The following ZBTB26 variants were observed in gnomAD, a reference collection of about 807,000 sequenced individuals.
The protein encoded by ZBTB26 is zinc finger and BTB domain containing 26.
In ZBTB26, 12 loss-of-function variants were observed where a neutral mutation model predicts 31.6. That is an observed-to-expected ratio of 0.38 (90% CI 0.24 to 0.61). ZBTB26 has a LOEUF of 0.61. Ranked by LOEUF, ZBTB26 falls within the 20% of genes least tolerant of loss-of-function variation. The probability of loss-of-function intolerance (pLI) is 0.60; values close to 1 mark genes in which losing one functional copy is unlikely to be tolerated. For synonymous variants in ZBTB26, 155 were observed against 182.9 expected (o/e 0.85, Z 1.23); for missense variants, 311 against 521.9 (o/e 0.60, Z 3.94).
chr9:122,926,241 G>A (rs1380242116), intron 1 of ZBTB26, among the ~76,000 whole-genome samples: 2 of 151,780 alleles, frequency 1.3e-5, no homozygotes, highest in Non-Finnish European at 2.9e-5. Context: ...TCGGCTAGGT[G>A]CGGTGGCTCA....
intron 1 of ZBTB26, among the ~76,000 whole-genome samples, chr9:122,921,917 G>A (rs925119051): frequency 7.6e-5 from 11 of 145,384 alleles, no homozygotes; most frequent in Admixed American, 4.8e-4. Flanking sequence ...GGCAACAAGA[G>A]CAAAACTCCA....
Position 122,918,813 on chromosome 9 carries a change from T to C in ZBTB26, c.1122A>G (p.Lys374=). The change falls in exon 2 of 2, where the codon AAA becomes AAG. Residue 374 remains lysine, a synonymous_variant. Coordinates refer to ENST00000373656, the MANE Select transcript of ZBTB26 (RefSeq NM_020924.4). The part of the protein sequence containing the change: ...AHKPVLRKHL[K]QLHGKNSFDN... ...CAAAGCTGTTTTTGCCATGCAGCTG[T>C]TTAAGGTGTTTCCTCAAAACTGGTT... 6.2e-7 allele frequency: 1 copy of C among 1,614,198 alleles called. No homozygotes were observed.
At chr9:122,920,221 T>C (rs1833075748) in intron 1 of ZBTB26, among the ~76,000 whole-genome samples, 1 of 152,256 alleles carries the variant, frequency 6.6e-6, no homozygotes, top group Non-Finnish European at 1.5e-5. Context: ...TATACGAGAA[T>C]AGTGCTTGGG....
At position 122,918,431 on chromosome 9, in the gene ZBTB26, C is replaced by G. The variant is rs1564333977; in HGVS notation, c.*178G>C. On this transcript the variant is annotated 3_prime_UTR_variant, in exon 2 of 2. Transcript: ENST00000373656. ...ACTCAAAACAGAAAATGGGAGAGGG[C>G]AAAAGTAAGGCAAATCCACTCCAAG... 2.3e-6 allele frequency: 2 copies of G among 872,892 alleles called. No individual in the cohort carries two copies. The highest frequency in any genetic ancestry group is 4.0e-5 in the South Asian group (2 of 50,218). The allele number at this position is 872,892 out of a possible 1,614,324, so 54.1% of individuals were successfully genotyped here.
Position 122,916,012 on chromosome 9 carries a change from A to G in ZBTB26, c.*2597T>C, listed in dbSNP as rs1195961583. On this transcript the variant is annotated 3_prime_UTR_variant, in exon 2 of 2. Transcript: ENST00000373656. Reference sequence around the variant, plus strand: ...CCTCTGTAAAATACTGGATATCAGTAACTTGACTTCTTTGCAATATAATCT... The same window carrying G: ...CCTCTGTAAAATACTGGATATCAGTGACTTGACTTCTTTGCAATATAATCT... The G allele has an allele frequency of 6.6e-6, 1 of 152,244 alleles. No individual in the cohort carries two copies. The highest frequency in any genetic ancestry group is 6.5e-5 in the Admixed American group (1 of 15,284). The allele number at this position is 152,244 out of a possible 1,614,324, so 9.4% of individuals were successfully genotyped here.
intron 1 of ZBTB26, among the ~76,000 whole-genome samples, chr9:122,930,513 G>T (rs1307240835): frequency 6.6e-6 from 1 of 152,150 alleles, no homozygotes; most frequent in Non-Finnish European, 1.5e-5. Flanking sequence ...GCAGTTAATA[G>T]AAAGTCCCTT....
intron 1 of ZBTB26, among the ~76,000 whole-genome samples, chr9:122,921,616 T>C (rs550682958): frequency 2.0e-5 from 3 of 152,340 alleles, no homozygotes; most frequent in Admixed American, 1.3e-4. Flanking sequence ...GACCTAATGA[T>C]ACTTGTTTCC....
chr9:122,930,467 G>A (rs1206630604), intron 1 of ZBTB26, among the ~76,000 whole-genome samples: 3 of 152,142 alleles, frequency 2.0e-5, no homozygotes, highest in Admixed American at 1.3e-4. Context: ...AAGAATCTCC[G>A]ATAAGCGTTC....
At chr9:122,920,261 A>G (rs1833076441) in intron 1 of ZBTB26, among the ~76,000 whole-genome samples, 1 of 152,234 alleles carries the variant, frequency 6.6e-6, no homozygotes, top group African/African-American at 2.4e-5. Flanking sequence ...TAACTTCTCA[A>G]ATGAGAATTC....
intron 1 of ZBTB26, among the ~76,000 whole-genome samples, chr9:122,923,942 C>A (rs1023557538): frequency 2.7e-4 from 41 of 152,284 alleles, no homozygotes; most frequent in African/African-American, 9.4e-4. Flanking sequence ...GTTACAATTG[C>A]CTACAGTATT....
At chr9:122,925,585 A>G (rs756721080) in intron 1 of ZBTB26, among the ~76,000 whole-genome samples, 8 of 152,012 alleles carry the variant, frequency 5.3e-5, no homozygotes, top group Non-Finnish European at 8.8e-5. Flanking sequence ...TGAAACAACT[A>G]ATCTAGGTAC....
At chr9:122,924,040 A>G (rs1278589408) in intron 1 of ZBTB26, among the ~76,000 whole-genome samples, 1 of 152,222 alleles carries the variant, frequency 6.6e-6, no homozygotes, top group African/African-American at 2.4e-5. Context: ...TATACCATCT[A>G]GGTTTGCATT....
chr9:122,929,354 A>C (rs911893959), intron 1 of ZBTB26, among the ~76,000 whole-genome samples: 1 of 152,216 alleles, frequency 6.6e-6, no homozygotes, highest in African/African-American at 2.4e-5. Context: ...GTCTCTTTCC[A>C]AGCCTCTCCA....
chr9:122,923,955 G>C (rs1174425868), intron 1 of ZBTB26, among the ~76,000 whole-genome samples: 1 of 152,190 alleles, frequency 6.6e-6, no homozygotes, highest in Non-Finnish European at 1.5e-5. Flanking sequence ...ACAGTATTCA[G>C]TATAGTAACA....
In ZBTB26 at chr9:122,919,985, TCAGA is replaced by T. The variant is rs750300304; in HGVS notation, c.-10-45_-10-42del. 4 of 1,521,008 alleles carry T rather than the reference TCAGA, an allele frequency of 2.6e-6. No individual in the cohort carries two copies. The African/African-American group carries it at 5.6e-5, about 21-fold the overall frequency. 94.2% of individuals were successfully genotyped at this position (1,521,008 alleles called of 1,614,324 possible). A position where few individuals can be genotyped will look rare whatever the true frequency, so the allele number is the denominator to read the frequency against. On this transcript the variant is annotated intron_variant, in intron 1 of 1. Coordinates refer to ENST00000373656, the MANE Select transcript of ZBTB26 (RefSeq NM_020924.4). This position sits in a 1 kb window ranked among gnomAD's most constrained non-coding sequence, Gnocchi z 6.1. Reference sequence around the variant, plus strand: ...GTAAAAAGGTTGAATTTAAGGAAACTCAGACAATTAAGAAAGCTGGATCTACCTT... The same window carrying T: ...GTAAAAAGGTTGAATTTAAGGAAACTCAATTAAGAAAGCTGGATCTACCTT...
chr9:122,926,667 T>C (rs1047355429), intron 1 of ZBTB26, among the ~76,000 whole-genome samples: 2 of 152,350 alleles, frequency 1.3e-5, no homozygotes, highest in South Asian at 2.1e-4. Flanking sequence ...AAAAACAAGT[T>C]ATAACTTCAA....
intron 1 of ZBTB26, among the ~76,000 whole-genome samples, chr9:122,920,653 A>G (rs945282600): frequency 2.0e-5 from 3 of 152,236 alleles, no homozygotes; most frequent in African/African-American, 7.2e-5. Context: ...GGCAAAGACA[A>G]AGTTCTTTGT....
chr9:122,918,685 G>A lies in ZBTB26; in HGVS notation c.1250C>T (p.Ala417Val). The A allele has an allele frequency of 1.2e-6, 2 of 1,614,214 alleles. No individual in the cohort carries two copies. The highest frequency in any genetic ancestry group is 1.7e-6 in the Non-Finnish European group (2 of 1,180,026). ...TTTACCTGCATCCAGGACCTGTGTTGCATCGGGTTGTGGCTGACACCCTTT... is the reference window on the plus strand; with the variant it reads ...TTTACCTGCATCCAGGACCTGTGTTACATCGGGTTGTGGCTGACACCCTTT... ...DSKGCQPQPDATQVLDAGKLA... is the reference protein window; with the variant it reads ...DSKGCQPQPDVTQVLDAGKLA... The change falls in exon 2 of 2, where the codon GCA becomes GTA. Residue 417 changes from alanine to valine, a missense_variant. Ala to Val is a moderately conservative substitution (Grantham distance 64). Around this residue, in one of 5 missense-constraint regions of ZBTB26, gnomAD observed 49 missense variants for 66.0 expected, o/e 0.74. Coordinates refer to ENST00000373656, the MANE Select transcript of ZBTB26 (RefSeq NM_020924.4).
intron 1 of ZBTB26, among the ~76,000 whole-genome samples, chr9:122,928,323 C>T (rs1376564942): frequency 6.6e-6 from 1 of 151,650 alleles, no homozygotes; most frequent in Non-Finnish European, 1.5e-5. Context: ...TTTTTTGAGA[C>T]CAAGTCTCGC....
Sources: gnomAD v4.1 joint callset for allele counts (sites outside exome capture counted in the v4.1 genomes callset) on GRCh38, gnomAD v4.1.1 for gene constraint, gnomAD v4.1.1 regional missense constraint, Gnocchi (gnomAD v3.1) non-coding constraint, MANE v1.5 for transcripts, NCBI Gene and HGNC (gene_info 2026-07-23, HGNC 2026-07-21) for gene names.